ANXA6: variants seen among roughly 807,000 people sequenced by gnomAD.
The protein encoded by ANXA6 is annexin A6, also known as 67 kDa calelectrin.
ANXA6 carries 71 observed loss-of-function variants against 95.4 expected under a neutral mutation model. The ratio of observed to expected loss-of-function variants is 0.74; its 90% CI spans 0.61 to 0.91. The LOEUF (loss-of-function observed/expected upper bound fraction) is 0.91. Among genes scored for constraint, ANXA6 ranks in the 40% least tolerant of loss-of-function variants. The pLI is 0.00. For missense variants in ANXA6, 830 were observed against 876.4 expected (o/e 0.95, Z 0.67); for synonymous variants, 289 against 315.9 (o/e 0.91, Z 0.90).
intron 19 of ANXA6, among the ~76,000 whole-genome samples, chr5:151,117,486 T>C (rs1251342970): frequency 2.0e-5 from 3 of 151,952 alleles, no homozygotes; most frequent in Non-Finnish European, 4.4e-5. Context: ...CAGGAGAGGG[T>C]CACCCATATG....
chr5:151,133,497 G>A (rs886287665), intron 8 of ANXA6, among the ~76,000 whole-genome samples: 4 of 152,168 alleles, frequency 2.6e-5, no homozygotes, highest in Admixed American at 6.6e-5. Flanking sequence ...CCTGTTCAGC[G>A]TGTTATCTTA....
chr5:151,106,757 TCTGG>T (rs1048011637), intron 23 of ANXA6, among the ~76,000 whole-genome samples: 66 of 152,284 alleles, frequency 4.3e-4, no homozygotes, highest in African/African-American at 1.6e-3. Context: ...GCTTTATCAG[TCTGG>T]CTAAGAAGCA....
chr5:151,114,570 C>T (rs193146138), intron 20 of ANXA6, among the ~76,000 whole-genome samples: 5 of 138,700 alleles, frequency 3.6e-5, no homozygotes, highest in South Asian at 4.8e-4. Context: ...GCCAAGATTG[C>T]GCCACCGCAC....
At chr5:151,147,782 G>T in intron 2 of ANXA6, 102 bp downstream of exon 2, 1 of 1,318,524 alleles carries the variant, frequency 7.6e-7, no homozygotes. Context: ...CTTTTTTCAA[G>T]CTGAAGGTAC....
chr5:151,101,990 C>T (rs558018376), intron 25 of ANXA6, among the ~76,000 whole-genome samples: 4 of 152,226 alleles, frequency 2.6e-5, no homozygotes, highest in African/African-American at 9.6e-5. Context: ...CTTGGCATAT[C>T]GTGTTAGGTG....
At chr5:151,123,385 A>C (rs936822609) in intron 15 of ANXA6, among the ~76,000 whole-genome samples, 1 of 152,142 alleles carries the variant, frequency 6.6e-6, no homozygotes, top group African/African-American at 2.4e-5. Flanking sequence ...GTAGTCACCA[A>C]GGGATCCTTC....
chr5:151,155,253 A>G (rs1000866210), intron 1 of ANXA6: 1 of 152,146 alleles, frequency 6.6e-6, no homozygotes, highest in Admixed American at 6.5e-5. Context: ...TTTTATTGCT[A>G]TTATTTAAGG....
intron 14 of ANXA6, 48 bp from the exon 15 acceptor site, chr5:151,124,415 G>A (rs758320644): frequency 1.9e-6 from 3 of 1,555,692 alleles, no homozygotes; most frequent in South Asian, 1.2e-5. Flanking sequence ...GGCCCCCCTG[G>A]GGACCAGGCT....
At chr5:151,126,290 A>G (rs1453865692) in intron 14 of ANXA6, 112 bp downstream of exon 14, 28 of 841,662 alleles carry the variant, frequency 3.3e-5, no homozygotes, top group African/African-American at 6.7e-5. Context: ...TGTGAGAATC[A>G]ACGTGTCGGG....
At chr5:151,153,135 A>C (rs140830028) in intron 1 of ANXA6, among the ~76,000 whole-genome samples, 27 of 152,192 alleles carry the variant, frequency 1.8e-4, no homozygotes, top group African/African-American at 6.5e-4. Flanking sequence ...GGTTCTCCTT[A>C]CTGACTTCTT....
chr5:151,114,817 CA>C (rs1310524979), intron 20 of ANXA6, among the ~76,000 whole-genome samples: 2 of 152,080 alleles, frequency 1.3e-5, no homozygotes, highest in African/African-American at 4.8e-5. Flanking sequence ...TGGTTAATAA[CA>C]GTCCCAGACT....
At position 151,117,904 on chromosome 5, in the gene ANXA6, C is replaced by T. The variant is rs75537042; in HGVS notation, c.1439-67G>A. On this transcript the variant is annotated intron_variant, in intron 18 of 25. Coordinates refer to ENST00000354546, the MANE Select transcript of ANXA6 (RefSeq NM_001155.5). ...AGGATTTGGTTGCGGGGAGGGAGGT[C>T]CAGGAAACTCAGGCTTGAGCCAGGG... 7.9e-4 allele frequency: 1,073 copies of T among 1,360,802 alleles called. 12 individuals carry two copies. In the African/African-American group the frequency reaches 0.014, roughly 17 times the overall value. 84.3% of individuals were successfully genotyped at this position (1,360,802 alleles called of 1,614,324 possible). A position where few individuals can be genotyped will look rare whatever the true frequency, so the allele number is the denominator to read the frequency against.
intron 12 of ANXA6, 89 bp from the exon 13 acceptor site, chr5:151,128,328 G>T: frequency 8.7e-7 from 1 of 1,143,910 alleles, no homozygotes; most frequent in Non-Finnish European, 1.3e-6. Flanking sequence ...CCTGAAAGAG[G>T]GGAAGGCTGA....
chr5:151,109,152 C>T (rs1764780075), intron 22 of ANXA6, among the ~76,000 whole-genome samples: 1 of 152,020 alleles, frequency 6.6e-6, no homozygotes, highest in South Asian at 2.1e-4. Context: ...AAATCAAGGC[C>T]GTCCAGTGCC....
chr5:151,101,330 A>AACCCCCCCCCCCCCCCCCC lies in ANXA6; in HGVS notation c.*117_*118insGGGGGGGGGGGGGGGGGGT. 2 of 385,868 alleles carry AACCCCCCCCCCCCCCCCCC rather than the reference A, an allele frequency of 5.2e-6. No homozygotes were observed. The highest frequency in any genetic ancestry group is 1.0e-5 in the Non-Finnish European group (2 of 190,630). 23.9% of individuals were successfully genotyped at this position (385,868 alleles called of 1,614,324 possible). A position where few individuals can be genotyped will look rare whatever the true frequency, so the allele number is the denominator to read the frequency against. On this transcript the variant is annotated 3_prime_UTR_variant, in exon 26 of 26. Transcript: ENST00000354546. ...CCACTGAAGATAAGAGCCCAACCCA[A>AACCCCCCCCCCCCCCCCCC]CCCCTCCCCCCACCCCTGCCCCTTC...
At chr5:151,150,117 C>CAA (rs1180783863) in intron 1 of ANXA6, among the ~76,000 whole-genome samples, 14 of 103,376 alleles carry the variant, frequency 1.4e-4, no homozygotes, top group Non-Finnish European at 2.2e-4. Flanking sequence ...GACTCTGACT[C>CAA]AAAAAAAAAA....
intron 2 of ANXA6, 78 bp from the exon 3 acceptor site, chr5:151,140,321 G>T: frequency 1.7e-6 from 2 of 1,210,474 alleles, no homozygotes; most frequent in Non-Finnish European, 2.4e-6. Context: ...CAGGTCAGAT[G>T]CCTACCCTGG....
chr5:151,113,962 G>T (rs4526094), intron 20 of ANXA6, among the ~76,000 whole-genome samples: 64,077 of 152,116 alleles, frequency 0.42, 14,621 homozygotes, highest in Admixed American at 0.52. Context: ...CGGATGACCC[G>T]TGAAAACACT....
At chr5:151,135,043 T>C (rs1036100015) in intron 7 of ANXA6, among the ~76,000 whole-genome samples, 1 of 152,182 alleles carries the variant, frequency 6.6e-6, no homozygotes, top group Non-Finnish European at 1.5e-5. Context: ...CCTCATCTGA[T>C]AGAGGAAGCT....
Sources: allele counts gnomAD v4.1 joint callset (sites outside exome capture counted in the v4.1 genomes callset), GRCh38; gene constraint gnomAD v4.1.1; transcripts MANE v1.5; gene names NCBI Gene and HGNC (gene_info 2026-07-23, HGNC 2026-07-21).